The following NLGN1 variants were observed in gnomAD, a reference collection of about 807,000 sequenced individuals.
NLGN1 encodes neuroligin 1.
Under a neutral mutation model 65.5 loss-of-function variants are expected in NLGN1, and 12 were observed. The observed-to-expected ratio is 0.18, with a 90% CI of 0.12 to 0.30. The LOEUF (loss-of-function observed/expected upper bound fraction) is 0.30, where lower values mean the gene tolerates loss of function less well. Among genes scored for constraint, NLGN1 ranks in the 10% least tolerant of loss-of-function variants. NLGN1 has a pLI of 1.00. For synonymous variants in NLGN1, 350 were observed against 359.5 expected, an observed-to-expected ratio of 0.97 and a Z score of 0.30; for missense variants, 750 against 1,007.1, an observed-to-expected ratio of 0.74 and a Z score of 3.46.
At chr3:174,013,061 G>A (rs1428255024) in intron 4 of NLGN1, among the ~76,000 whole-genome samples, 1 of 152,164 alleles carries the variant, frequency 6.6e-6, no homozygotes, top group Non-Finnish European at 1.5e-5. Context: ...TTGCAAAAAT[G>A]AGAGAGAATA....
At chr3:173,529,727 A>G (rs1736232639) in intron 2 of NLGN1, among the ~76,000 whole-genome samples, 1 of 152,140 alleles carries the variant, frequency 6.6e-6, no homozygotes, top group Non-Finnish European at 1.5e-5. Flanking sequence ...TGTTCCACCC[A>G]ATAAAGACGG....
intron 4 of NLGN1, among the ~76,000 whole-genome samples, chr3:173,923,076 A>G (rs1357579365): frequency 3.3e-5 from 5 of 150,586 alleles, no homozygotes; most frequent in Non-Finnish European, 5.9e-5. Flanking sequence ...AATCTTACCT[A>G]CAAAGCCAAA....
At chr3:174,274,600 A>G (rs564223726) in intron 4 of NLGN1, among the ~76,000 whole-genome samples, 94 of 151,884 alleles carry the variant, frequency 6.2e-4, no homozygotes, top group South Asian at 1.9e-3. Flanking sequence ...TGAGCATTCC[A>G]GAAATATATG....
chr3:173,947,275 G>A (rs1009892759), intron 4 of NLGN1, among the ~76,000 whole-genome samples: 3 of 151,992 alleles, frequency 2.0e-5, no homozygotes, highest in African/African-American at 7.3e-5. Context: ...GCCCGCTTCA[G>A]CCTCCCAAAG....
chr3:173,928,373 G>A (rs964114601), intron 4 of NLGN1, among the ~76,000 whole-genome samples: 3 of 152,210 alleles, frequency 2.0e-5, no homozygotes, highest in African/African-American at 7.2e-5. Context: ...TCATGACAAA[G>A]CACTTGAACT....
chr3:173,444,828 TTG>T (rs1413574276), intron 2 of NLGN1, among the ~76,000 whole-genome samples: 2 of 151,992 alleles, frequency 1.3e-5, no homozygotes, highest in Admixed American at 1.3e-4. Context: ...CAGTATATAG[TTG>T]TGTGTGTTTG....
At chr3:173,587,943 A>G (rs1419994816) in intron 2 of NLGN1, among the ~76,000 whole-genome samples, 1 of 152,196 alleles carries the variant, frequency 6.6e-6, no homozygotes, top group Non-Finnish European at 1.5e-5. Context: ...ATGTTATTTT[A>G]CATTAAAAAG....
At chr3:173,432,031 G>C (rs1717273463) in intron 1 of NLGN1, among the ~76,000 whole-genome samples, 1 of 152,038 alleles carries the variant, frequency 6.6e-6, no homozygotes, top group East Asian at 1.9e-4. Flanking sequence ...TGCATGTAAG[G>C]TTCCTCCATG....
chr3:174,003,398 G>C (rs1723695513), intron 4 of NLGN1, among the ~76,000 whole-genome samples: 1 of 152,092 alleles, frequency 6.6e-6, no homozygotes, highest in African/African-American at 2.4e-5. Flanking sequence ...TCACCTGGGA[G>C]ATTGCCGGAA....
rs190098807 is a variant in NLGN1 at position 173,600,152 on chromosome 3, T to C, written c.-320-4127T>C. Reference sequence around the variant, plus strand: ...TAACCTATAATCTATGTGAGATTTGTATATCTATGTATGTGGGTATATCTA... The same window carrying C: ...TAACCTATAATCTATGTGAGATTTGCATATCTATGTATGTGGGTATATCTA... On this transcript the variant is annotated intron_variant, in intron 2 of 6. Coordinates refer to ENST00000457714, the Ensembl canonical transcript of NLGN1. Among the ~76,000 whole-genome samples, 38 of 151,296 alleles carry C rather than the reference T, an allele frequency of 2.5e-4. No homozygotes were observed. In the Middle Eastern group the frequency reaches 0.014, roughly 54 times the overall value.
chr3:173,758,355 G>A (rs890016226), intron 3 of NLGN1, among the ~76,000 whole-genome samples: 1 of 151,902 alleles, frequency 6.6e-6, no homozygotes, highest in Non-Finnish European at 1.5e-5. Context: ...ATGGACATAT[G>A]GAAATTTATA....
At chr3:174,094,201 A>G (rs1338755350) in intron 4 of NLGN1, among the ~76,000 whole-genome samples, 1 of 152,162 alleles carries the variant, frequency 6.6e-6, no homozygotes, top group Admixed American at 6.5e-5. Flanking sequence ...ATATCATTTG[A>G]TTATCTAAAA....
chr3:174,033,411 A>C (rs1730449999), intron 4 of NLGN1, among the ~76,000 whole-genome samples: 1 of 152,206 alleles, frequency 6.6e-6, no homozygotes, highest in Non-Finnish European at 1.5e-5. Context: ...TTGGCTTTCA[A>C]GGAAAACTTA....
At chr3:174,003,832 A>T (rs527941606) in intron 4 of NLGN1, among the ~76,000 whole-genome samples, 73 of 152,124 alleles carry the variant, frequency 4.8e-4, no homozygotes, top group Non-Finnish European at 9.3e-4. Flanking sequence ...AATAATAATA[A>T]TTTTCAATGC....
chr3:173,397,749 G>C (rs963295834), upstream of NLGN1: 3 of 152,170 alleles, frequency 2.0e-5, no homozygotes, highest in African/African-American at 2.4e-5. Context: ...GGAGCGCCGC[G>C]GCTGTAAGCC....
intron 2 of NLGN1, among the ~76,000 whole-genome samples, chr3:173,567,962 AT>A (rs925981555): frequency 2.9e-4 from 44 of 152,246 alleles, no homozygotes; most frequent in Middle Eastern, 3.4e-3. Context: ...ATTTTTATTC[AT>A]TTTTTATTTG....
chr3:174,132,823 G>A (rs1453836299), intron 4 of NLGN1, among the ~76,000 whole-genome samples: 3 of 152,112 alleles, frequency 2.0e-5, no homozygotes, highest in Non-Finnish European at 4.4e-5. Context: ...TTGCATAAAG[G>A]GCATCCGAAT....
At chr3:173,652,020 C>G (rs1759268235) in intron 3 of NLGN1, among the ~76,000 whole-genome samples, 1 of 152,198 alleles carries the variant, frequency 6.6e-6, no homozygotes, top group Non-Finnish European at 1.5e-5. Flanking sequence ...TTTCAAACTC[C>G]TGACATCAAG....
At chr3:173,663,595 AGAGAAGCT>A (rs1277359066) in intron 3 of NLGN1, among the ~76,000 whole-genome samples, 6 of 152,048 alleles carry the variant, frequency 3.9e-5, no homozygotes, top group Non-Finnish European at 7.4e-5. Flanking sequence ...GTGCTGAACA[AGAGAAGCT>A]CCTAAAGATA....
Sources: gnomAD v4.1 joint callset for allele counts (sites outside exome capture counted in the v4.1 genomes callset) on GRCh38, gnomAD v4.1.1 for gene constraint, MANE v1.5 for transcripts, NCBI Gene and HGNC (gene_info 2026-07-23, HGNC 2026-07-21) for gene names.